ACSBG2: variants seen among roughly 807,000 people sequenced by gnomAD.
ACSBG2 encodes the protein acyl-CoA synthetase bubblegum family member 2, also known as long-chain-fatty-acid--CoA ligase ACSBG2.
In ACSBG2, 62 loss-of-function variants were observed where a neutral mutation model predicts 74.7. The ratio of observed to expected loss-of-function variants is 0.83; its 90% CI spans 0.68 to 1.03. The LOEUF is 1.03. ACSBG2 is among the 50% of genes least tolerant of loss of function. The pLI, the probability that ACSBG2 is intolerant of heterozygous loss-of-function variation, is 0.00. For missense variants in ACSBG2, 730 were observed against 817.6 expected (o/e 0.89, Z 1.31); for synonymous variants, 309 against 294.1 (o/e 1.05, Z -0.52).
At chr19:6,182,400 G>C (rs549809854) in intron 8 of ACSBG2, among the ~76,000 whole-genome samples, 79 of 152,270 alleles carry the variant, frequency 5.2e-4, no homozygotes, top group African/African-American at 1.9e-3. Context: ...AAACAGTGTT[G>C]CAAAGAACGT....
At chr19:6,142,212 C>A (rs2088868754) in intron 2 of ACSBG2, among the ~76,000 whole-genome samples, 1 of 152,100 alleles carries the variant, frequency 6.6e-6, no homozygotes, top group Non-Finnish European at 1.5e-5. Flanking sequence ...GGTTGGTGAG[C>A]CCGAGTGGAT....
chr19:6,144,074 T>G (rs764036413), intron 2 of ACSBG2, among the ~76,000 whole-genome samples: 23 of 152,286 alleles, frequency 1.5e-4, no homozygotes, highest in Non-Finnish European at 2.6e-4. Flanking sequence ...CTTGGCTCAC[T>G]GCAATCTCCA....
intron 2 of ACSBG2, among the ~76,000 whole-genome samples, chr19:6,147,212 A>G (rs940226188): frequency 1.3e-5 from 2 of 152,226 alleles, no homozygotes; most frequent in African/African-American, 2.4e-5. Context: ...GTTGGATAAG[A>G]AAGTATTTGG....
intron 7 of ACSBG2, among the ~76,000 whole-genome samples, chr19:6,176,654 G>A (rs2090096397): frequency 6.6e-6 from 1 of 151,846 alleles, no homozygotes; most frequent in African/African-American, 2.4e-5. Flanking sequence ...CTCTTGGGCA[G>A]CCCAGATGAG....
At chr19:6,162,382 C>T (rs1470323330) in intron 6 of ACSBG2, among the ~76,000 whole-genome samples, 3 of 151,100 alleles carry the variant, frequency 2.0e-5, no homozygotes, top group East Asian at 2.0e-4. Context: ...CTGGCTAACA[C>T]GGTGAAACCC....
At position 6,174,403 on chromosome 19, in the gene ACSBG2, T is replaced by C. The variant is rs2090040862; in HGVS notation, c.739-2826T>C. 6.6e-6 allele frequency among the ~76,000 whole-genome samples: 1 copy of C among 152,188 alleles called. No homozygotes were observed. The highest frequency in any genetic ancestry group is 2.1e-4 in the South Asian group (1 of 4,828). On this transcript the variant is annotated intron_variant, in intron 7 of 14. Coordinates refer to ENST00000588485, the MANE Select transcript of ACSBG2 (RefSeq NM_030924.5). The surrounding 1 kb of genome is among the most constrained non-coding windows in gnomAD (Gnocchi z 4.2). ...AAAGGAAAGAGAAACAAATTCCACC[T>C]CAGAATGGGAGGAGTAGCAGAGAAT...
chr19:6,136,567 C>A (rs1426496587), intron 1 of ACSBG2, among the ~76,000 whole-genome samples: 1 of 151,830 alleles, frequency 6.6e-6, no homozygotes, highest in Non-Finnish European at 1.5e-5. Flanking sequence ...TTCACCATGC[C>A]AGCCAGGCTG....
chr19:6,142,250 T>C (rs140624916), intron 2 of ACSBG2, among the ~76,000 whole-genome samples: 39 of 152,164 alleles, frequency 2.6e-4, no homozygotes, highest in African/African-American at 9.2e-4. Flanking sequence ...TCCATGTAGA[T>C]AGGGTGCGGA....
At chr19:6,170,087 C>T (rs1409924415) in intron 7 of ACSBG2, among the ~76,000 whole-genome samples, 1 of 152,050 alleles carries the variant, frequency 6.6e-6, no homozygotes, top group African/African-American at 2.4e-5. Flanking sequence ...TTGCTTGTGC[C>T]TGATTGCTCT....
rs112313853 is a variant in ACSBG2, at chr19:6,151,691, GC to G, written c.298-15del. On this transcript the variant is annotated splice_polypyrimidine_tract_variant and intron_variant, in intron 3 of 14. Coordinates refer to ENST00000588485, the MANE Select transcript of ACSBG2 (RefSeq NM_030924.5). ...GTGTTTATGTTTTGTTTTTCTGTTT[GC>G]TTTTTCCTTCCCAGCTGGGTTTGGA... The G allele has an allele frequency of 6.3e-7, 1 of 1,577,272 alleles. No homozygotes were observed. The highest frequency in any genetic ancestry group is 8.6e-7 in the Non-Finnish European group (1 of 1,159,472).
At chr19:6,184,630 G>T (rs544468691) in intron 10 of ACSBG2, among the ~76,000 whole-genome samples, 1 of 141,958 alleles carries the variant, frequency 7.0e-6, no homozygotes, top group East Asian at 2.1e-4. Flanking sequence ...AAAAAAAAAA[G>T]ACAAAGAACC....
intron 6 of ACSBG2, 198 bp downstream of exon 6, chr19:6,161,493 G>C: frequency 1.9e-6 from 1 of 527,712 alleles, no homozygotes; most frequent in Non-Finnish European, 3.4e-6. Context: ...TGAGGAAAGT[G>C]GGTGTGACCT....
At chr19:6,154,843 C>T (rs1056005361) in intron 4 of ACSBG2, among the ~76,000 whole-genome samples, 1 of 152,074 alleles carries the variant, frequency 6.6e-6, no homozygotes, top group African/African-American at 2.4e-5. Context: ...GATCTGTCCC[C>T]ATTTTAGGAC....
chr19:6,161,024 C>T (rs542303728), intron 5 of ACSBG2, among the ~76,000 whole-genome samples, 191 bp from the exon 6 acceptor site: 41 of 150,786 alleles, frequency 2.7e-4, no homozygotes, highest in Non-Finnish European at 4.1e-4. Context: ...GGCTTCAACC[C>T]GGGAGGCGGA....
At position 6,165,976 on chromosome 19, in the gene ACSBG2, C is replaced by T. The variant is rs141040118; in HGVS notation, c.699C>T (p.Thr233=). The part of the protein sequence containing the change: ...QCAVLIYTSG[T]TGIPKGVMLS... The stretch of plus-strand genomic sequence containing the variant: ...CAGTGCTCATCTACACTTCAGGGAC[C>T]ACAGGCATACCCAAGGGAGTGATGC... Residue 233 remains threonine, a synonymous_variant, in exon 7 of 15, where the codon ACC becomes ACT. Coordinates refer to ENST00000588485, the MANE Select transcript of ACSBG2 (RefSeq NM_030924.5). 6.2e-7 allele frequency: 1 copy of T among 1,614,122 alleles called. No individual in the cohort carries two copies. The highest frequency in any genetic ancestry group is 8.5e-7 in the Non-Finnish European group (1 of 1,180,000).
intron 7 of ACSBG2, 146 bp from the exon 8 acceptor site, chr19:6,177,083 C>A: frequency 2.5e-6 from 2 of 798,982 alleles, no homozygotes; most frequent in Non-Finnish European, 3.8e-6. Context: ...ATTCCTTGAA[C>A]CCAGGAGTTT....
At chr19:6,158,929 TTTTTCTTTTTC>T (rs2089517395) in intron 5 of ACSBG2, among the ~76,000 whole-genome samples, 1 of 152,014 alleles carries the variant, frequency 6.6e-6, no homozygotes, top group Admixed American at 6.6e-5. Flanking sequence ...ATTCTTTTCT[TTTTTCTTTTTC>T]TTTTCTTTTC....
chr19:6,154,621 C>A (rs1384241131), intron 4 of ACSBG2, among the ~76,000 whole-genome samples: 1 of 151,542 alleles, frequency 6.6e-6, no homozygotes, highest in Admixed American at 6.6e-5. Flanking sequence ...AAGTGATTCT[C>A]CTGCCTCAGC....
intron 2 of ACSBG2, among the ~76,000 whole-genome samples, chr19:6,144,401 A>C (rs1377584667): frequency 6.6e-6 from 1 of 152,214 alleles, no homozygotes; most frequent in Non-Finnish European, 1.5e-5. Context: ...GCACACACGG[A>C]GAATGTCATG....
Sources: allele counts gnomAD v4.1 joint callset (sites outside exome capture counted in the v4.1 genomes callset), GRCh38; gene constraint gnomAD v4.1.1; non-coding constraint Gnocchi (gnomAD v3.1); transcripts MANE v1.5; gene names NCBI Gene and HGNC (gene_info 2026-07-23, HGNC 2026-07-21).